Variants in KCNN2 observed in about 807,000 individuals in gnomAD.
KCNN2 encodes the protein small conductance calcium-activated potassium channel protein 2.
In KCNN2, 24 loss-of-function variants were observed where a neutral mutation model predicts 55.5. That is an observed-to-expected ratio of 0.43 (90% CI 0.31 to 0.61). The LOEUF (loss-of-function observed/expected upper bound fraction) is 0.61, where lower values mean the gene tolerates loss of function less well. KCNN2 is among the 20% of genes least tolerant of loss of function. The pLI, the probability that KCNN2 is intolerant of heterozygous loss-of-function variation, is 0.08. For synonymous variants in KCNN2, 431 were observed against 336.1 expected (o/e 1.28, Z -3.09); for missense variants, 754 against 853.6 (o/e 0.88, Z 1.45).
At chr5:114,095,187 G>A (rs373146953) in intron 1 of KCNN2, among the ~76,000 whole-genome samples, 2 of 152,216 alleles carry the variant, frequency 1.3e-5, no homozygotes, top group African/African-American at 4.8e-5. Flanking sequence ...GTTGTCTCTA[G>A]GTGGGCCTGG....
intron 1 of KCNN2, among the ~76,000 whole-genome samples, chr5:114,163,521 C>G (rs1752841432): frequency 6.6e-6 from 1 of 152,110 alleles, no homozygotes; most frequent in Non-Finnish European, 1.5e-5. Context: ...TTATCAAAAG[C>G]CTTTTCTGCA....
intron 2 of KCNN2, chr5:114,253,840 A>C (rs969073416): frequency 6.6e-6 from 1 of 152,118 alleles, no homozygotes; most frequent in Non-Finnish European, 1.5e-5. Flanking sequence ...TTATTTTTCG[A>C]AATAGTTTCA....
intron 3 of KCNN2, chr5:114,433,544 A>C (rs1759879121): frequency 6.6e-6 from 1 of 152,398 alleles, no homozygotes; most frequent in Non-Finnish European, 1.5e-5. Context: ...AACACTGTGG[A>C]AGCTTTGTTC....
intron 1 of KCNN2, among the ~76,000 whole-genome samples, chr5:114,077,912 C>A (rs1229190081): frequency 2.0e-5 from 3 of 152,088 alleles, no homozygotes; most frequent in African/African-American, 7.2e-5. Flanking sequence ...CCAGGAGAGA[C>A]TTTATTTAGT....
At chr5:114,483,318 A>G (rs1256328452) in intron 5 of KCNN2, among the ~76,000 whole-genome samples, 8 of 139,276 alleles carry the variant, frequency 5.7e-5, no homozygotes, top group Non-Finnish European at 1.1e-4. Context: ...TTTGTCACCC[A>G]GGCTGGAGCA....
At chr5:114,115,830 T>C (rs960993763) in intron 1 of KCNN2, among the ~76,000 whole-genome samples, 3 of 152,112 alleles carry the variant, frequency 2.0e-5, no homozygotes, top group African/African-American at 7.2e-5. Context: ...TTTGTATTAA[T>C]ATAAGCCCCT....
intron 1 of KCNN2, among the ~76,000 whole-genome samples, chr5:114,079,701 A>G (rs1306165809): frequency 1.3e-5 from 2 of 152,168 alleles, no homozygotes; most frequent in African/African-American, 4.8e-5. Context: ...CATAGTAGGC[A>G]CTTAGTAAGT....
intron 2 of KCNN2, among the ~76,000 whole-genome samples, chr5:114,232,118 C>T (rs1754375564): frequency 6.6e-6 from 1 of 150,852 alleles, no homozygotes; most frequent in African/African-American, 2.5e-5. Context: ...CTGTTTGGGC[C>T]TGAGAATCTG....
intron 3 of KCNN2, among the ~76,000 whole-genome samples, chr5:114,416,786 A>T (rs1759320173): frequency 6.6e-6 from 1 of 152,194 alleles, no homozygotes; most frequent in Non-Finnish European, 1.5e-5. Flanking sequence ...TTTGTATTTA[A>T]TGTTGTGGTT....
intron 2 of KCNN2, among the ~76,000 whole-genome samples, chr5:114,317,332 G>A (rs1476789232): frequency 6.6e-6 from 1 of 151,294 alleles, no homozygotes; most frequent in Non-Finnish European, 1.5e-5. Context: ...GCAGTGTCTT[G>A]TTGGCTTGCC....
intron 2 of KCNN2, among the ~76,000 whole-genome samples, chr5:114,392,154 T>C (rs1254285163): frequency 1.3e-5 from 2 of 152,198 alleles, no homozygotes; most frequent in Admixed American, 6.5e-5. Flanking sequence ...GGGAATACTA[T>C]TGGGTTAGCC....
chr5:114,298,854 C>G (rs185296374), intron 2 of KCNN2, among the ~76,000 whole-genome samples: 108 of 152,176 alleles, frequency 7.1e-4, no homozygotes, highest in Non-Finnish European at 1.1e-3. Context: ...GGCTTCACTT[C>G]AGATATAGTG....
chr5:114,121,237 G>T (rs1383579928), intron 1 of KCNN2, among the ~76,000 whole-genome samples: 1 of 152,168 alleles, frequency 6.6e-6, no homozygotes, highest in Non-Finnish European at 1.5e-5. Context: ...GGGTTCCATG[G>T]CTGGACTCAA....
At chr5:114,132,480 A>G (rs1226707892) in intron 1 of KCNN2, among the ~76,000 whole-genome samples, 2 of 152,132 alleles carry the variant, frequency 1.3e-5, no homozygotes, top group African/African-American at 2.4e-5. Context: ...GTTCTGTTCC[A>G]TTGCTGACAG....
At chr5:114,282,998 G>T (rs906246350) in intron 2 of KCNN2, among the ~76,000 whole-genome samples, 6 of 152,020 alleles carry the variant, frequency 3.9e-5, no homozygotes, top group African/African-American at 7.2e-5. Context: ...TTTTGTTATT[G>T]TCTTTTCTTT....
chr5:114,249,075 C>G, intron 2 of KCNN2, among the ~76,000 whole-genome samples: 1 of 152,120 alleles, frequency 6.6e-6, no homozygotes, highest in South Asian at 2.1e-4. Context: ...TAAATTTCTA[C>G]AAAGACAAAG....
At chr5:114,486,702 A>G in intron 5 of KCNN2, 1 of 1,282,272 alleles carries the variant, frequency 7.8e-7, no homozygotes. Context: ...CTGCAGGGAA[A>G]GGAAGATCAT....
intron 2 of KCNN2, among the ~76,000 whole-genome samples, chr5:114,323,841 GT>G (rs1263068881): frequency 6.6e-6 from 1 of 151,356 alleles, no homozygotes; most frequent in Non-Finnish European, 1.5e-5. Flanking sequence ...TAGAGATGGG[GT>G]TTCACCATGT....
chr5:114,114,705 A>G (rs75703024), intron 1 of KCNN2, among the ~76,000 whole-genome samples: 2,600 of 152,258 alleles, frequency 0.017, 85 homozygotes, highest in African/African-American at 0.061. Context: ...GTTTTCACTC[A>G]TCACCTCATT....
Sources: gnomAD v4.1 joint callset for allele counts (sites outside exome capture counted in the v4.1 genomes callset) on GRCh38, gnomAD v4.1.1 for gene constraint, MANE v1.5 for transcripts, NCBI Gene and HGNC (gene_info 2026-07-23, HGNC 2026-07-21) for gene names.